The following CRYBG1 variants were observed in gnomAD, a reference collection of about 807,000 sequenced individuals.
CRYBG1 encodes the protein crystallin beta-gamma domain containing 1, also known as beta/gamma crystallin domain-containing protein 1.
CRYBG1 carries 139 observed loss-of-function variants against 189.2 expected under a neutral mutation model. The ratio of observed to expected loss-of-function variants is 0.73; its 90% CI spans 0.64 to 0.85. The LOEUF (loss-of-function observed/expected upper bound fraction) is 0.85, where lower values mean the gene tolerates loss of function less well. CRYBG1 is among the 40% of genes least tolerant of loss of function. CRYBG1 has a pLI of 0.00. For missense variants in CRYBG1, 2,611 were observed against 2,675.8 expected, an observed-to-expected ratio of 0.98 and a Z score of 0.53; for synonymous variants, 1,023 against 1,017.1, an observed-to-expected ratio of 1.01 and a Z score of -0.11.
At chr6:106,545,620 C>T (rs1346058283) in intron 13 of CRYBG1, among the ~76,000 whole-genome samples, 40 of 151,772 alleles carry the variant, frequency 2.6e-4, no homozygotes, top group Non-Finnish European at 4.4e-5. Flanking sequence ...TCTGTGTTAA[C>T]TTGACTTTAG....
chr6:106,360,962 G>A lies in CRYBG1; in HGVS notation c.54G>A (p.Arg18=). The change falls in exon 1 of 22, where the codon AGG becomes AGA. Residue 18 remains arginine (R), a synonymous_variant. Transcript: ENST00000633556. ...ACCCCGGGGAGCCCAGCCCGTGCAG[G>A]CCCCCTAAGAAGCACACCACCTTCC... ...QGDPGEPSPC[R]PPKKHTTFHL... is the part of the protein sequence containing the mutation. The A allele has an allele frequency of 6.5e-7, 1 of 1,535,218 alleles. No homozygotes were observed.
intron 2 of CRYBG1, among the ~76,000 whole-genome samples, chr6:106,504,043 A>AAG (rs1773072002): frequency 6.8e-6 from 1 of 146,154 alleles, no homozygotes; most frequent in African/African-American, 2.5e-5. Flanking sequence ...AAAAAAAAAA[A>AAG]AAAAACCACA....
intron 3 of CRYBG1, among the ~76,000 whole-genome samples, chr6:106,515,142 C>G (rs1188464551): frequency 7.2e-5 from 11 of 152,300 alleles, no homozygotes; most frequent in Admixed American, 3.9e-4. Context: ...AAGTTCTCTA[C>G]CAAGTGCTGA....
At chr6:106,555,735 T>C in intron 16 of CRYBG1, 33 bp from the exon 17 acceptor site, 2 of 1,610,460 alleles carry the variant, frequency 1.2e-6, no homozygotes, top group South Asian at 2.2e-5. Flanking sequence ...AAGTTGCATA[T>C]TCTGTGCATG....
chr6:106,544,743 T>G, intron 12 of CRYBG1, 45 bp from the exon 13 acceptor site: 1 of 1,607,264 alleles, frequency 6.2e-7, no homozygotes, highest in South Asian at 1.1e-5. Context: ...CTTCTTTGGA[T>G]AATAAATGGC....
At chr6:106,505,603 C>T (rs1442546373) in intron 2 of CRYBG1, among the ~76,000 whole-genome samples, 1 of 152,084 alleles carries the variant, frequency 6.6e-6, no homozygotes, top group Non-Finnish European at 1.5e-5. Context: ...TTAGCTGTCA[C>T]GAGTCTAAAG....
chr6:106,371,816 G>A lies in CRYBG1; in HGVS notation c.173+10735G>A, dbSNP rs533416890. 2.0e-5 allele frequency among the ~76,000 whole-genome samples: 3 copies of A among 152,322 alleles called. No individual in the cohort carries two copies. The East Asian group carries it at 5.8e-4, about 29-fold the overall frequency. ...ATTTGCATTTTGTGATTGTCGTAAT[G>A]TTACCCTGTAAAAGGTTTCAAGTAC... is the stretch of plus-strand genomic sequence containing the variant. On this transcript the variant is annotated intron_variant, in intron 1 of 21. Transcript: ENST00000633556.
intron 1 of CRYBG1, among the ~76,000 whole-genome samples, chr6:106,384,364 A>C (rs1000080520): frequency 2.0e-5 from 3 of 152,124 alleles, no homozygotes; most frequent in African/African-American, 7.2e-5. Context: ...AGGATGATTT[A>C]AGTGCATTAC....
At chr6:106,452,561 A>G (rs1771806247) in intron 2 of CRYBG1, among the ~76,000 whole-genome samples, 1 of 152,184 alleles carries the variant, frequency 6.6e-6, no homozygotes, top group African/African-American at 2.4e-5. Flanking sequence ...ATGCAAAGGC[A>G]TACAGATTAA....
chr6:106,411,645 T>C (rs1770929226), intron 1 of CRYBG1, among the ~76,000 whole-genome samples: 1 of 152,166 alleles, frequency 6.6e-6, no homozygotes. Context: ...GAGAACTGGC[T>C]CACTGGATTA....
At chr6:106,439,700 G>C (rs1298697090) in intron 1 of CRYBG1, among the ~76,000 whole-genome samples, 1 of 151,190 alleles carries the variant, frequency 6.6e-6, no homozygotes, top group South Asian at 2.1e-4. Context: ...TCAACCAGTG[G>C]CACAAGAAAA....
At chr6:106,477,643 T>C (rs1235231688) in intron 2 of CRYBG1, among the ~76,000 whole-genome samples, 1 of 152,224 alleles carries the variant, frequency 6.6e-6, no homozygotes, top group Non-Finnish European at 1.5e-5. Flanking sequence ...TTACCCCTGG[T>C]GATCTGAGCT....
intron 2 of CRYBG1, among the ~76,000 whole-genome samples, chr6:106,481,849 T>G (rs766336820): frequency 1.3e-5 from 2 of 152,210 alleles, no homozygotes; most frequent in African/African-American, 4.8e-5. Context: ...CTGTCCTTCA[T>G]GCCTGCCATT....
rs776358669 is a variant in CRYBG1 at position 106,543,597 on chromosome 6, T to C, written c.5039T>C (p.Ile1680Thr). The change falls in exon 11 of 22, where the codon ATT becomes ACT. Residue 1680 changes from isoleucine (I) to threonine (T), a missense_variant and splice_region_variant. By Grantham distance (89) the Ile-to-Thr change is moderately conservative (BLOSUM62 -1). Coordinates refer to ENST00000633556, the MANE Select transcript of CRYBG1 (RefSeq NM_001371242.2). ...GGGTCTATGAAAGTTCTAAGAGGCA[T>C]GTAAGTACATGGGTGACTTGTTAGG... ...SVGSMKVLRG[I>T]WVAYEKPGFT... The C allele has an allele frequency of 1.2e-5, 20 of 1,613,158 alleles. No individual in the cohort carries two copies. The highest frequency in any genetic ancestry group is 2.2e-5 in the East Asian group (1 of 44,880).
chr6:106,565,390 A>G (rs11153008), intron 21 of CRYBG1, among the ~76,000 whole-genome samples: 10,440 of 152,154 alleles, frequency 0.069, 428 homozygotes, highest in South Asian at 0.12. Flanking sequence ...TTTCTGGATA[A>G]TGGAGAACGA....
chr6:106,430,247 G>A (rs550830258), intron 1 of CRYBG1, among the ~76,000 whole-genome samples: 3 of 152,160 alleles, frequency 2.0e-5, no homozygotes, highest in South Asian at 2.1e-4. Context: ...CCTAGGCAAC[G>A]TAGCGAAACC....
In CRYBG1 at chr6:106,506,184, T is replaced by C. The variant is rs1403484670; in HGVS notation, c.313-5246T>C. ...GATTTGTTTAGAACAATGTTTCTAG[T>C]TGTCTCCAAGAGCATTGACAACTCC... On this transcript the variant is annotated intron_variant, in intron 2 of 21. Transcript: ENST00000633556. 2.0e-5 allele frequency among the ~76,000 whole-genome samples: 3 copies of C among 152,186 alleles called. 1 individual carries two copies. Among genetic ancestry groups the C allele is most frequent in the African/African-American group, 4.8e-5 (2 of 41,428 alleles).
At chr6:106,457,891 T>C (rs1019526960) in intron 2 of CRYBG1, among the ~76,000 whole-genome samples, 11 of 152,224 alleles carry the variant, frequency 7.2e-5, no homozygotes, top group African/African-American at 2.4e-4. Context: ...GCAATGTATA[T>C]AGCATGTTAT....
At chr6:106,422,632 A>T (rs1771151769) in intron 1 of CRYBG1, among the ~76,000 whole-genome samples, 1 of 151,958 alleles carries the variant, frequency 6.6e-6, no homozygotes, top group Non-Finnish European at 1.5e-5. Context: ...ACCCCATCTG[A>T]CCTATTTGTT....
Sources: allele counts gnomAD v4.1 joint callset (sites outside exome capture counted in the v4.1 genomes callset), GRCh38; gene constraint gnomAD v4.1.1; transcripts MANE v1.5; gene names NCBI Gene and HGNC (gene_info 2026-07-23, HGNC 2026-07-21).